The following TNFSF8 variants were observed in gnomAD, a reference collection of about 807,000 sequenced individuals.
TNFSF8 encodes the protein tumor necrosis factor ligand superfamily member 8.
In TNFSF8, 4 loss-of-function variants were observed where a neutral mutation model predicts 22.0. The ratio of observed to expected loss-of-function variants is 0.18; its 90% CI spans 0.09 to 0.42. The LOEUF is 0.42. TNFSF8 is among the 10% of genes least tolerant of loss of function. The pLI, the probability that TNFSF8 is intolerant of heterozygous loss-of-function variation, is 1.00. For missense variants in TNFSF8, 233 were observed against 281.8 expected (o/e 0.83, Z 1.24); for synonymous variants, 106 against 112.5 (o/e 0.94, Z 0.37).
Position 114,904,282 on chromosome 9 carries a change from A to G in TNFSF8, c.354T>C (p.Asp118=). ...LNKTKLSWNK[D]GILHGVRYQD... ...GATATCTGACTCCATGGAGAATGCC[A>G]TCTTTGTTCCAAGACAACTTGGTTT... Residue 118 remains aspartate, a synonymous_variant, in exon 4 of 4, where the codon GAT becomes GAC. Transcript: ENST00000223795. 2 of 1,613,184 alleles carry G rather than the reference A, an allele frequency of 1.2e-6. No homozygotes were observed. Among genetic ancestry groups the G allele is most frequent in the South Asian group, 1.1e-5 (1 of 90,880 alleles).
intron 2 of TNFSF8, among the ~76,000 whole-genome samples, chr9:114,906,300 A>C (rs1473769416): frequency 5.3e-5 from 8 of 152,238 alleles, no homozygotes. Flanking sequence ...CGCAGGTGAA[A>C]TACATTGTTT....
chr9:114,915,929 TA>T (rs1827913059), intron 2 of TNFSF8, among the ~76,000 whole-genome samples: 1 of 152,208 alleles, frequency 6.6e-6, no homozygotes, highest in African/African-American at 2.4e-5. Context: ...TGGTTTTGAT[TA>T]CTTTGTGTTC....
chr9:114,918,378 G>A (rs1055320173), intron 1 of TNFSF8, among the ~76,000 whole-genome samples: 7 of 152,032 alleles, frequency 4.6e-5, no homozygotes, highest in Admixed American at 6.6e-5. Flanking sequence ...CAAGAGACAC[G>A]GGGTTGAGTG....
intron 4 of TNFSF8, among the ~76,000 whole-genome samples, chr9:114,895,951 C>A (rs1827651472): frequency 2.6e-5 from 4 of 152,192 alleles, no homozygotes. Flanking sequence ...ACAGTTGGAT[C>A]AAAAGCAGTT....
intron 1 of TNFSF8, among the ~76,000 whole-genome samples, chr9:114,922,537 A>T (rs1017716589): frequency 6.6e-6 from 1 of 152,180 alleles, no homozygotes; most frequent in African/African-American, 2.4e-5. Flanking sequence ...ATAATGTGAT[A>T]ATGTTTATAG....
rs556213203 is a variant in TNFSF8 at position 114,909,483 on chromosome 9, A to G, written c.239-3584T>C. Among the ~76,000 whole-genome samples, 6 of 152,332 alleles carry G rather than the reference A, an allele frequency of 3.9e-5. No homozygotes were observed. The East Asian group carries it at 1.2e-3, about 29-fold the overall frequency. On this transcript the variant is annotated intron_variant, in intron 2 of 3. Transcript: ENST00000223795. Reference sequence around the variant, plus strand: ...CTCCTCTCTGGGCTCTAGTGTCCCTATTAGGTTTGTGCAAAAGTAATTGTG... The same window carrying G: ...CTCCTCTCTGGGCTCTAGTGTCCCTGTTAGGTTTGTGCAAAAGTAATTGTG...
Position 114,918,134 on chromosome 9 carries a change from G to A in TNFSF8, c.200C>T (p.Ser67Phe), listed in dbSNP as rs1216726467. ...IMVLVVQRTD[S>F]IPNSPDNVPL... ...GACGTTGTCAGGTGAGTTGGGAATG[G>A]AGTCCTGGAAGAAAAGAAAGAAAAA... Residue 67 changes from serine to phenylalanine, a missense_variant, in exon 2 of 4, where the codon TCC becomes TTC. By Grantham distance (155) the Ser-to-Phe change is radical. Coordinates refer to ENST00000223795, the MANE Select transcript of TNFSF8 (RefSeq NM_001244.4). The A allele has an allele frequency of 6.2e-7, 1 of 1,605,884 alleles. No homozygotes were observed. Among genetic ancestry groups the A allele is most frequent in the Admixed American group, 1.7e-5 (1 of 58,782 alleles).
chr9:114,898,458 G>A (rs531930523), downstream of TNFSF8, among the ~76,000 whole-genome samples: 7 of 152,330 alleles, frequency 4.6e-5, no homozygotes, highest in Admixed American at 1.3e-4. Context: ...TTTATAAGGA[G>A]TAAGACTGGA....
At chr9:114,914,450 A>T (rs1042470441) in intron 2 of TNFSF8, among the ~76,000 whole-genome samples, 1 of 152,270 alleles carries the variant, frequency 6.6e-6, no homozygotes, top group Admixed American at 6.5e-5. Context: ...AACCATGTGC[A>T]GACATGAGAT....
Position 114,902,407 on chromosome 9 carries a change from G to A in TNFSF8, c.*1524C>T. On this transcript the variant is annotated 3_prime_UTR_variant, in exon 4 of 4. Transcript: ENST00000223795. ...GTTGCACACTGATTGTTTGCTAAAG[G>A]CACAATGCTTTCCTGACCAGAAATG... 1 of 985,394 alleles carries A rather than the reference G, an allele frequency of 1.0e-6. No individual in the cohort carries two copies. The allele number at this position is 985,394 out of a possible 1,614,324, so 61.0% of individuals were successfully genotyped here. A position where few individuals can be genotyped will look rare whatever the true frequency, so the allele number is the denominator to read the frequency against.
At chr9:114,912,425 C>G (rs1827862763) in intron 2 of TNFSF8, among the ~76,000 whole-genome samples, 1 of 152,232 alleles carries the variant, frequency 6.6e-6, no homozygotes, top group East Asian at 1.9e-4. Flanking sequence ...CTCCCTCACT[C>G]TGTTGCCAGG....
intron 1 of TNFSF8, among the ~76,000 whole-genome samples, chr9:114,922,715 G>C (rs1259583888): frequency 6.6e-6 from 1 of 152,108 alleles, no homozygotes; most frequent in Non-Finnish European, 1.5e-5. Context: ...AGAAGTCATA[G>C]AAAATCCTCA....
At chr9:114,899,474 G>A (rs75320228), downstream of TNFSF8, among the ~76,000 whole-genome samples, 1,305 of 152,138 alleles carry the variant, frequency 8.6e-3, 21 homozygotes, top group African/African-American at 0.03. Flanking sequence ...GAGTTTCAGG[G>A]GAGAATTGTG....
intron 2 of TNFSF8, among the ~76,000 whole-genome samples, chr9:114,914,779 G>T (rs1827898155): frequency 6.6e-6 from 1 of 152,104 alleles, no homozygotes; most frequent in Non-Finnish European, 1.5e-5. Context: ...CTCCTCCCAG[G>T]CGCTCTTCCT....
chr9:114,928,761 C>T (rs151008332), intron 1 of TNFSF8, among the ~76,000 whole-genome samples: 58 of 152,186 alleles, frequency 3.8e-4, no homozygotes, highest in Non-Finnish European at 6.9e-4. Flanking sequence ...TTAAGAATTC[C>T]ACTATCTAAA....
chr9:114,918,853 C>A (rs557069239), intron 1 of TNFSF8, among the ~76,000 whole-genome samples: 66 of 152,296 alleles, frequency 4.3e-4, no homozygotes, highest in African/African-American at 1.5e-3. Context: ...CCCGCCTCAG[C>A]CTCCCAAAGT....
chr9:114,904,352 A>T (rs1336109435), intron 3 of TNFSF8, 27 bp from the exon 4 acceptor site: 1 of 1,563,108 alleles, frequency 6.4e-7, no homozygotes, highest in Non-Finnish European at 8.6e-7. Context: ...AGAAAACAGA[A>T]TTATTGAGAA....
chr9:114,924,756 C>A (rs10982455), intron 1 of TNFSF8, among the ~76,000 whole-genome samples: 54,741 of 151,894 alleles, frequency 0.36, 10,382 homozygotes, highest in Admixed American at 0.45. Context: ...AATGACTTCT[C>A]CTTTGCTCTG....
chr9:114,902,185 A>T lies in TNFSF8; in HGVS notation c.*1746T>A. Reference sequence around the variant, plus strand: ...AGTTGGATATAGCTAGAGAAATCTCATGGCTACCCCAATCAGGAGAGAGGT... The same window carrying T: ...AGTTGGATATAGCTAGAGAAATCTCTTGGCTACCCCAATCAGGAGAGAGGT... On this transcript the variant is annotated 3_prime_UTR_variant, in exon 4 of 4. Coordinates refer to ENST00000223795, the MANE Select transcript of TNFSF8 (RefSeq NM_001244.4). 1.0e-6 allele frequency: 1 copy of T among 984,838 alleles called. No homozygotes were observed. The highest frequency in any genetic ancestry group is 1.2e-6 in the Non-Finnish European group (1 of 829,428). The allele number at this position is 984,838 out of a possible 1,614,324, so 61.0% of individuals were successfully genotyped here.
Sources: allele counts gnomAD v4.1 joint callset (sites outside exome capture counted in the v4.1 genomes callset), GRCh38; gene constraint gnomAD v4.1.1; transcripts MANE v1.5; gene names NCBI Gene and HGNC (gene_info 2026-07-23, HGNC 2026-07-21).